The following MCF2L variants were observed in gnomAD, a reference collection of about 807,000 sequenced individuals.
The protein encoded by MCF2L is guanine nucleotide exchange factor DBS.
A neutral mutation model predicts 153.4 loss-of-function variants in MCF2L; 97 were observed. The observed-to-expected ratio is 0.63, with a 90% confidence interval of 0.54 to 0.75. MCF2L has a LOEUF of 0.75. Ranked by LOEUF, MCF2L falls within the 30% of genes least tolerant of loss-of-function variation. The pLI is 0.00. For missense variants in MCF2L, 1,347 were observed against 1,495.2 expected (o/e 0.90, Z 1.64); for synonymous variants, 659 against 632.2 (o/e 1.04, Z -0.64).
intron 1 of MCF2L, among the ~76,000 whole-genome samples, chr13:113,006,828 T>C (rs2083731786): frequency 6.6e-6 from 1 of 152,138 alleles, no homozygotes; most frequent in African/African-American, 2.4e-5. Flanking sequence ...GAGCCTCACA[T>C]GTGCGGAGGT....
intron 5 of MCF2L, among the ~76,000 whole-genome samples, chr13:113,063,164 A>G (rs2141808940): frequency 6.6e-6 from 1 of 152,338 alleles, no homozygotes; most frequent in Middle Eastern, 3.4e-3. Flanking sequence ...TGATGAGCTC[A>G]GGCACAACGT....
chr13:112,962,177 A>G (rs991839735), intron 2 of MCF2L, among the ~76,000 whole-genome samples: 3 of 150,688 alleles, frequency 2.0e-5, no homozygotes, highest in African/African-American at 7.4e-5. Context: ...GCACAGATGC[A>G]CACACACGCA....
At chr13:112,976,190 G>A (rs902233998) in intron 1 of MCF2L, among the ~76,000 whole-genome samples, 24 of 141,690 alleles carry the variant, frequency 1.7e-4, no homozygotes, top group African/African-American at 5.8e-4. Flanking sequence ...GTGTGTGTGT[G>A]CGTGTGTGTG....
chr13:113,061,955 C>G (rs1335296337), intron 5 of MCF2L, among the ~76,000 whole-genome samples: 1 of 139,384 alleles, frequency 7.2e-6, no homozygotes, highest in African/African-American at 2.8e-5. Context: ...CTCTGCCCAC[C>G]CCCACGCAGT....
intron 26 of MCF2L, chr13:113,091,031 A>G (rs2035157000): frequency 1.6e-6 from 2 of 1,289,272 alleles, no homozygotes; most frequent in Non-Finnish European, 2.0e-6. Context: ...GTCCCCTTCC[A>G]GCACGAGCGC....
Position 112,902,045 on chromosome 13 carries a change from G to A in MCF2L, c.-4-154G>A, listed in dbSNP as rs993842884. On this transcript the variant is annotated intron_variant, in intron 1 of 29. Transcript: ENST00000375608. The stretch of plus-strand genomic sequence containing the variant: ...ACCCTGATACAGTGGAAATTGACCG[G>A]AGAAGAATGAATTTAGTTTCAAACA... The A allele has an allele frequency of 9.5e-6, 6 of 628,726 alleles. No homozygotes were observed. In the African/African-American group the frequency reaches 1.1e-4, roughly 12 times the overall value. The allele number at this position is 628,726 out of a possible 1,614,324, so 38.9% of individuals were successfully genotyped here.
intron 1 of MCF2L, among the ~76,000 whole-genome samples, chr13:112,996,835 G>C (rs958861314): frequency 3.3e-5 from 5 of 152,222 alleles, no homozygotes; most frequent in Admixed American, 3.3e-4. Flanking sequence ...GGGCTGTGTT[G>C]TGTTGTCTGC....
At chr13:113,063,421 C>T (rs577749872) in intron 5 of MCF2L, among the ~76,000 whole-genome samples, 1 of 122,006 alleles carries the variant, frequency 8.2e-6, no homozygotes, top group African/African-American at 2.8e-5. Flanking sequence ...CACCCCTGTC[C>T]ACACAGCCGC....
Position 113,066,785 on chromosome 13 carries a change from T to G in MCF2L, c.881+615T>G, listed in dbSNP as rs562258731. ...TGTCCCATCTCGCTGGTGGGTGCTA[T>G]CAGCCCTGCCTCCGAGCTGAGGAGC... On this transcript the variant is annotated intron_variant, in intron 8 of 29. Coordinates refer to ENST00000535094, the MANE Select transcript of MCF2L (RefSeq NM_001112732.3). Among the ~76,000 whole-genome samples, 18 of 150,904 alleles carry G rather than the reference T, an allele frequency of 1.2e-4. No homozygotes were observed. In the East Asian group the frequency reaches 3.6e-3, roughly 30 times the overall value.
At chr13:113,082,311 C>T (rs1304785698) in intron 16 of MCF2L, 116 bp from the exon 17 acceptor site, 2 of 668,016 alleles carry the variant, frequency 3.0e-6, no homozygotes, top group Non-Finnish European at 2.8e-6. Flanking sequence ...AGAAATCACC[C>T]GAGAATAAAG....
intron 2 of MCF2L, among the ~76,000 whole-genome samples, chr13:112,933,908 G>A (rs1237165018): frequency 6.6e-6 from 1 of 152,222 alleles, no homozygotes; most frequent in East Asian, 1.9e-4. Context: ...GCTTCTGTTG[G>A]GCAGTCTGTG....
chr13:113,087,047 C>T (rs1262280874), intron 21 of MCF2L, among the ~76,000 whole-genome samples, 188 bp from the exon 22 acceptor site: 3 of 152,204 alleles, frequency 2.0e-5, no homozygotes, highest in Admixed American at 6.5e-5. Context: ...GCCAGTCCAT[C>T]CCTCCTCCCC....
At chr13:113,078,488 C>A in intron 14 of MCF2L, 52 bp downstream of exon 14, 1 of 1,530,656 alleles carries the variant, frequency 6.5e-7, no homozygotes. Flanking sequence ...CCTTGGTTCA[C>A]GCTGGGCCTG....
Position 113,067,195 on chromosome 13 carries a change from G to T in MCF2L, c.881+1025G>T, listed in dbSNP as rs147451636. 1.2e-3 allele frequency among the ~76,000 whole-genome samples: 184 copies of T among 152,110 alleles called. 1 individual carries two copies. Among genetic ancestry groups the T allele is most frequent in the African/African-American group, 4.2e-3 (174 of 41,368 alleles). On this transcript the variant is annotated intron_variant, in intron 8 of 29. Coordinates refer to ENST00000535094, the MANE Select transcript of MCF2L (RefSeq NM_001112732.3). ...GGGCTGACTGGGTGGTGCACAGCTG[G>T]AGTCCCAGCTACGCGGAGGCAGAGG...
intron 2 of MCF2L, among the ~76,000 whole-genome samples, chr13:112,906,152 C>A (rs1468915130): frequency 6.6e-6 from 1 of 152,218 alleles, no homozygotes; most frequent in Non-Finnish European, 1.5e-5. Context: ...TGGTTTCCTT[C>A]AGGCTTCTTC....
intron 1 of MCF2L, among the ~76,000 whole-genome samples, chr13:113,006,322 C>A (rs982513019): frequency 1.3e-5 from 2 of 152,222 alleles, no homozygotes; most frequent in African/African-American, 4.8e-5. Flanking sequence ...TTGAATTCCC[C>A]GTCTTTAAAA....
In MCF2L at chr13:113,035,193, G is replaced by A. The variant is rs758503518; in HGVS notation, c.279-10078G>A. ...TTTGGAAAAATGTTGAAACTGGGGC[G>A]GCTTCTCTGGGTGACTCTGACGCTC... On this transcript the variant is annotated intron_variant, in intron 3 of 29. Transcript: ENST00000535094. This position sits in a 1 kb window ranked among gnomAD's most constrained non-coding sequence, Gnocchi z 4.4. Among the ~76,000 whole-genome samples, 5 of 152,160 alleles carry A rather than the reference G, an allele frequency of 3.3e-5. No individual in the cohort carries two copies. The highest frequency in any genetic ancestry group is 7.2e-5 in the African/African-American group (3 of 41,442).
chr13:112,910,821 C>A (rs751141617), intron 2 of MCF2L, among the ~76,000 whole-genome samples: 4 of 152,252 alleles, frequency 2.6e-5, no homozygotes, highest in Non-Finnish European at 5.9e-5. Flanking sequence ...GGCTGTCTCG[C>A]CGGGACTGTG....
At chr13:112,898,001 C>T (rs2081084081) in intron 1 of MCF2L, among the ~76,000 whole-genome samples, 1 of 152,230 alleles carries the variant, frequency 6.6e-6, no homozygotes, top group Non-Finnish European at 1.5e-5. Flanking sequence ...CCGGCCCCGG[C>T]CCTGGGTCAT....
Sources: allele counts gnomAD v4.1 joint callset (sites outside exome capture counted in the v4.1 genomes callset), GRCh38; gene constraint gnomAD v4.1.1; non-coding constraint Gnocchi (gnomAD v3.1); transcripts MANE v1.5; gene names NCBI Gene and HGNC (gene_info 2026-07-23, HGNC 2026-07-21).